The following MSH5 variants were observed in gnomAD, a reference collection of about 807,000 sequenced individuals.
MSH5 encodes mutS protein homolog 5.
In MSH5, 78 loss-of-function variants were observed where a neutral mutation model predicts 107.7. That is an observed-to-expected ratio of 0.72 (90% confidence interval 0.60 to 0.87). MSH5 has a LOEUF of 0.87. Ranked by LOEUF, MSH5 falls within the 40% of genes least tolerant of loss-of-function variation. The pLI, the probability that MSH5 is intolerant of heterozygous loss-of-function variation, is 0.00. For missense variants in MSH5, 889 were observed against 1,046.6 expected (o/e 0.85, Z 2.08); for synonymous variants, 326 against 399.5 (o/e 0.82, Z 2.19).
chr6:31,751,791 T>C (rs896295962), intron 10 of MSH5: 1 of 151,916 alleles, frequency 6.6e-6, no homozygotes, highest in African/African-American at 2.4e-5. Flanking sequence ...CTCGTCTCTA[T>C]AAAAACTATT....
chr6:31,742,788 G>T (rs1809030200), intron 3 of MSH5, 89 bp from the exon 4 acceptor site: 2 of 1,233,432 alleles, frequency 1.6e-6, no homozygotes, highest in East Asian at 4.6e-5. Context: ...TTTTGAGAAG[G>T]AGAGGGGTAG....
intron 12 of MSH5, 117 bp downstream of exon 12, chr6:31,753,746 T>G (rs1351133093): frequency 4.1e-6 from 4 of 978,762 alleles, no homozygotes; most frequent in East Asian, 5.2e-5. Flanking sequence ...TTTTTTTTTT[T>G]TGGAGACAGC....
intron 10 of MSH5, among the ~76,000 whole-genome samples, chr6:31,751,812 C>T (rs1427562988): frequency 6.6e-6 from 1 of 151,684 alleles, no homozygotes; most frequent in Non-Finnish European, 1.5e-5. Flanking sequence ...AATAGTAATA[C>T]AAATGGCCAG....
In MSH5 at chr6:31,758,281, C is replaced by T. The variant is rs1030027740; in HGVS notation, c.1131C>T (p.Leu377=). The change falls in exon 13 of 25, where the codon CTC becomes CTT. Residue 377 remains leucine (L), a synonymous_variant. Transcript: ENST00000375750. This position sits in a 1 kb window ranked among gnomAD's most constrained non-coding sequence, Gnocchi z 5.1. ...FSDDLHHIAS[L]IGKVVDFEGS... is the part of the protein sequence containing the mutation. ...ATGACCTGCACCATATCGCCAGCCT[C>T]ATTGGGAAAGTAGTGAGTAGAAGGA... The T allele has an allele frequency of 6.2e-7, 1 of 1,612,748 alleles. No homozygotes were observed. The highest frequency in any genetic ancestry group is 8.5e-7 in the Non-Finnish European group (1 of 1,180,008).
In MSH5 at chr6:31,761,262, G is replaced by A. The variant is rs201626761; in HGVS notation, c.2037G>A (p.Thr679=). Residue 679 remains threonine, a splice_region_variant and synonymous_variant, in exon 21 of 25, where the codon ACG becomes ACA. Transcript: ENST00000375750. This position sits in a 1 kb window ranked among gnomAD's most constrained non-coding sequence, Gnocchi z 5.3. ...ATGAATTTGGAAAGGGAACCAACACGGTGAGGGGAGAAACTGATGAGGGGA... is the reference window on the plus strand; with the variant it reads ...ATGAATTTGGAAAGGGAACCAACACAGTGAGGGGAGAAACTGATGAGGGGA... ...LIDEFGKGTN[T]VDGLALLAAV... is the part of the protein sequence containing the mutation. 4 of 1,613,638 alleles carry A rather than the reference G, an allele frequency of 2.5e-6. No individual in the cohort carries two copies. Among genetic ancestry groups the A allele is most frequent in the East Asian group, 2.2e-5 (1 of 44,886 alleles).
Position 31,761,408 on chromosome 6 carries a change from G to T in MSH5, c.2038-64G>T. Reference sequence around the variant, plus strand: ...AGAACACGAGACAGGGAAAGGCAGTGCAAGTGCAGAGGGGCATATGGGGTC... The same window carrying T: ...AGAACACGAGACAGGGAAAGGCAGTTCAAGTGCAGAGGGGCATATGGGGTC... On this transcript the variant is annotated intron_variant, in intron 21 of 24. Coordinates refer to ENST00000375750, the MANE Select transcript of MSH5 (RefSeq NM_172166.4). The surrounding 1 kb of genome is among the most constrained non-coding windows in gnomAD (Gnocchi z 5.3). 1 of 1,607,178 alleles carries T rather than the reference G, an allele frequency of 6.2e-7. No homozygotes were observed. The highest frequency in any genetic ancestry group is 8.5e-7 in the Non-Finnish European group (1 of 1,176,472).
intron 10 of MSH5, among the ~76,000 whole-genome samples, chr6:31,752,415 A>AT (rs1255485527): frequency 2.0e-5 from 3 of 148,188 alleles, no homozygotes; most frequent in African/African-American, 7.5e-5. Context: ...AAAAAATAAA[A>AT]TAAAAAAAAA....
In MSH5 at chr6:31,743,847, A is replaced by C. The variant is rs11964779; in HGVS notation, c.416-57A>C. 10,791 of 1,591,922 alleles carry C rather than the reference A, an allele frequency of 6.8e-3. 338 individuals carry two copies. In the African/African-American group the frequency reaches 0.087, roughly 13 times the overall value. On this transcript the variant is annotated intron_variant, in intron 5 of 24. Coordinates refer to ENST00000375750, the MANE Select transcript of MSH5 (RefSeq NM_172166.4). ...TTGCTTCTATTGTCTCATTCTTAAA[A>C]TGGGGTGAAAAAATTGAGCTACAAG...
chr6:31,756,197 A>G (rs1810431096), intron 12 of MSH5, among the ~76,000 whole-genome samples: 1 of 152,158 alleles, frequency 6.6e-6, no homozygotes, highest in African/African-American at 2.4e-5. Flanking sequence ...GTTTGAGGTG[A>G]GTCTCCCTCT....
In MSH5 at chr6:31,758,745, A is replaced by G. The variant is rs1463953296; in HGVS notation, c.1217-21A>G. The G allele has an allele frequency of 6.2e-7, 1 of 1,612,638 alleles. No individual in the cohort carries two copies. The highest frequency in any genetic ancestry group is 1.7e-5 in the Admixed American group (1 of 60,000). ...GGCAGGAGACTCACTTTTGATAACC[A>G]CGTGTCTTCCACCCTCGTAGAAAAG... is the stretch of plus-strand genomic sequence containing the variant. On this transcript the variant is annotated intron_variant, in intron 14 of 24. Coordinates refer to ENST00000375750, the MANE Select transcript of MSH5 (RefSeq NM_172166.4). This position sits in a 1 kb window ranked among gnomAD's most constrained non-coding sequence, Gnocchi z 5.1.
chr6:31,752,860 A>C (rs538220901), intron 10 of MSH5, among the ~76,000 whole-genome samples: 1 of 152,296 alleles, frequency 6.6e-6, no homozygotes, highest in East Asian at 1.9e-4. Flanking sequence ...TTTTCACAGG[A>C]AGAATATGAA....
rs1343073250 is a variant in MSH5 at position 31,761,748 on chromosome 6, A to G, written c.2182-70A>G. 2 of 1,612,146 alleles carry G rather than the reference A, an allele frequency of 1.2e-6. No homozygotes were observed. The highest frequency in any genetic ancestry group is 2.2e-5 in the South Asian group (2 of 91,050). On this transcript the variant is annotated intron_variant, in intron 22 of 24. Coordinates refer to ENST00000375750, the MANE Select transcript of MSH5 (RefSeq NM_172166.4). The surrounding 1 kb of genome is among the most constrained non-coding windows in gnomAD (Gnocchi z 5.3). ...TCCCTTCCCTTTTCTCCCTCCCCAC[A>G]GGATTGGCCAAGGGTTTCAGGACAG...
chr6:31,753,209 A>T (rs1356518499), intron 10 of MSH5, 92 bp from the exon 11 acceptor site: 2 of 1,472,668 alleles, frequency 1.4e-6, no homozygotes, highest in Non-Finnish European at 1.8e-6. Flanking sequence ...TATTGCCACA[A>T]TCCCCAGGGA....
At position 31,743,181 on chromosome 6, in the gene MSH5, C is replaced by A; in HGVS notation, c.415+11C>A. The A allele has an allele frequency of 1.2e-6, 2 of 1,612,638 alleles. No homozygotes were observed. The highest frequency in any genetic ancestry group is 1.7e-6 in the Non-Finnish European group (2 of 1,179,726). On this transcript the variant is annotated intron_variant, in intron 5 of 24. Transcript: ENST00000375750. ...CAAGTGTGGATTTTGGTATCTCCTT[C>A]CTTTTGCTTTGCCTAACTCCCTGTT...
In MSH5 at chr6:31,740,104, G is replaced by T. The variant is rs895869779; in HGVS notation, c.-14+42G>T. The T allele has an allele frequency of 1.0e-5, 2 of 199,310 alleles. No individual in the cohort carries two copies. Among genetic ancestry groups the T allele is most frequent in the Admixed American group, 6.0e-5 (1 of 16,612 alleles). The allele number at this position is 199,310 out of a possible 1,614,324, so 12.3% of individuals were successfully genotyped here. On this transcript the variant is annotated intron_variant, in intron 1 of 24. Transcript: ENST00000375750. The surrounding 1 kb of genome is among the most constrained non-coding windows in gnomAD (Gnocchi z 4.4). ...GAAAACGCTGCGATGGCGGCAGCTG[G>T]GGGAGGAGGAAGATAAGCGCGTGAG...
chr6:31,752,876 G>C (rs1810091833), intron 10 of MSH5, among the ~76,000 whole-genome samples: 1 of 152,138 alleles, frequency 6.6e-6, no homozygotes. Context: ...ATGAAAAGAT[G>C]AATGTCTGTT....
intron 12 of MSH5, 130 bp downstream of exon 12, chr6:31,753,759 C>G (rs1345715833): frequency 2.4e-6 from 2 of 850,996 alleles, no homozygotes; most frequent in African/African-American, 3.4e-5. Flanking sequence ...GAGACAGCCT[C>G]GCTCTGTCGC....
In MSH5 at chr6:31,759,662, C is replaced by T; in HGVS notation, c.1496-124C>T. 7.3e-7 allele frequency: 1 copy of T among 1,360,826 alleles called. No individual in the cohort carries two copies. 84.3% of individuals were successfully genotyped at this position (1,360,826 alleles called of 1,614,324 possible). On this transcript the variant is annotated intron_variant, in intron 17 of 24. Coordinates refer to ENST00000375750, the MANE Select transcript of MSH5 (RefSeq NM_172166.4). The surrounding 1 kb of genome is among the most constrained non-coding windows in gnomAD (Gnocchi z 4.7). ...TCGCTCACTCTGACTCTATCTTTTC[C>T]TCTGAATGTCTTGAGGTCTCAGATT... is the stretch of plus-strand genomic sequence containing the variant.
chr6:31,743,136 A>G lies in MSH5; in HGVS notation c.381A>G (p.Arg127=). ...LASQEHREPK[R]PEIIFLPSVD... ...CCCAGGAGCACAGAGAGCCTAAAAG[A>G]CCTGAAATCATATTTTTGCCAAGTG... Residue 127 remains arginine, a synonymous_variant, in exon 5 of 25, where the codon AGA becomes AGG. Coordinates refer to ENST00000375750, the MANE Select transcript of MSH5 (RefSeq NM_172166.4). 1 of 1,612,854 alleles carries G rather than the reference A, an allele frequency of 6.2e-7. No individual in the cohort carries two copies. Among genetic ancestry groups the G allele is most frequent in the Non-Finnish European group, 8.5e-7 (1 of 1,179,964 alleles).
Sources: gnomAD v4.1 joint callset for allele counts (sites outside exome capture counted in the v4.1 genomes callset) on GRCh38, gnomAD v4.1.1 for gene constraint, Gnocchi (gnomAD v3.1) non-coding constraint, MANE v1.5 for transcripts, NCBI Gene and HGNC (gene_info 2026-07-23, HGNC 2026-07-21) for gene names.